PRKAG1: variants seen among roughly 807,000 people sequenced by gnomAD.
PRKAG1 encodes the protein protein kinase AMP-activated non-catalytic subunit gamma 1, also known as 5'-AMP-activated protein kinase subunit gamma-1.
In PRKAG1, 27 loss-of-function variants were observed where a neutral mutation model predicts 48.2. The ratio of observed to expected loss-of-function variants is 0.56; its 90% CI spans 0.41 to 0.77. PRKAG1 has a LOEUF of 0.77. PRKAG1 is among the 30% of genes least tolerant of loss of function. PRKAG1 has a pLI of 0.00. For synonymous variants in PRKAG1, 130 were observed against 147.7 expected (o/e 0.88, Z 0.87); for missense variants, 287 against 398.3 (o/e 0.72, Z 2.38).
rs753733676 is a variant in PRKAG1 at position 49,005,437 on chromosome 12, T to G, written c.250+25A>C. 6.2e-7 allele frequency: 1 copy of G among 1,613,938 alleles called. No individual in the cohort carries two copies. The highest frequency in any genetic ancestry group is 1.7e-5 in the Admixed American group (1 of 59,994). Reference sequence around the variant, plus strand: ...TGCCCAGCACAAGATGCCAATAATATTGTGTTCCAGAAACTTTTGCTTACC... The same window carrying G: ...TGCCCAGCACAAGATGCCAATAATAGTGTGTTCCAGAAACTTTTGCTTACC... On this transcript the variant is annotated intron_variant, in intron 4 of 11. Transcript: ENST00000548065. This position sits in a 1 kb window ranked among gnomAD's most constrained non-coding sequence, Gnocchi z 4.1.
Position 49,003,549 on chromosome 12 carries a change from ATCAC to A in PRKAG1, c.741+5_741+8del. 2.5e-6 allele frequency: 4 copies of A among 1,597,208 alleles called. No homozygotes were observed. The highest frequency in any genetic ancestry group is 3.4e-6 in the Non-Finnish European group (4 of 1,170,308). The stretch of plus-strand genomic sequence containing the variant: ...TTCCCTACCTCCCAGACCCTCCACA[ATCAC>A]TCACGATAACATCAAACTTGGAGTA... On this transcript the variant is annotated splice_donor_5th_base_variant and intron_variant, in intron 10 of 11. Transcript: ENST00000548065.
At position 49,017,290 on chromosome 12, in the gene PRKAG1, T is replaced by C. The variant is rs530150932; in HGVS notation, c.9+1442A>G. On this transcript the variant is annotated intron_variant, in intron 1 of 11. Coordinates refer to ENST00000548065, the MANE Select transcript of PRKAG1 (RefSeq NM_002733.5). ...ATCTCAGCTCACTCCAGCCTCCACC[T>C]CTTTGGATCAAGCGATCCTCCCACC... The C allele has an allele frequency of 1.3e-4, 56 of 442,690 alleles. 1 individual carries two copies. Among genetic ancestry groups the C allele is most frequent in the South Asian group, 8.4e-4 (52 of 61,854 alleles). The allele number at this position is 442,690 out of a possible 1,614,324, so 27.4% of individuals were successfully genotyped here.
chr12:49,009,825 C>T lies in PRKAG1; in HGVS notation c.58+3237G>A, dbSNP rs548787916. On this transcript the variant is annotated intron_variant, in intron 2 of 11. Transcript: ENST00000548065. ...ACAGGGTTTCATCATATTGGGCAGGCTGGTCTCAAACTCCTGACCTCAGGT... is the reference window on the plus strand; with the variant it reads ...ACAGGGTTTCATCATATTGGGCAGGTTGGTCTCAAACTCCTGACCTCAGGT... 9.9e-5 allele frequency among the ~76,000 whole-genome samples: 15 copies of T among 152,090 alleles called. No individual in the cohort carries two copies. In the South Asian group the frequency reaches 2.7e-3, roughly 27 times the overall value.
intron 1 of PRKAG1, among the ~76,000 whole-genome samples, chr12:49,015,503 GGAAA>G (rs1303492428): frequency 6.6e-6 from 1 of 152,162 alleles, no homozygotes; most frequent in Non-Finnish European, 1.5e-5. Context: ...TACAGAGGGA[GGAAA>G]GAAACATAGA....
rs1471503629 is a variant in PRKAG1 at position 49,002,325 on chromosome 12, C to G, written c.*574G>C. 1 of 177,214 alleles carries G rather than the reference C, an allele frequency of 5.6e-6. No homozygotes were observed. Among genetic ancestry groups the G allele is most frequent in the Non-Finnish European group, 1.2e-5 (1 of 82,658 alleles). The allele number at this position is 177,214 out of a possible 1,614,324, so 11.0% of individuals were successfully genotyped here. The stretch of plus-strand genomic sequence containing the variant: ...TAGATTTGCCACAAAAAGCAATAAC[C>G]TTAGCTAACCACGCTGCTCTCCTCC... On this transcript the variant is annotated 3_prime_UTR_variant, in exon 12 of 12. Transcript: ENST00000548065.
chr12:49,004,771 A>AAGAG (rs145803889), intron 7 of PRKAG1, 138 bp from the exon 8 acceptor site: 9 of 1,194,726 alleles, frequency 7.5e-6, no homozygotes, highest in South Asian at 5.8e-5. Context: ...CTTAAAGAGA[A>AAGAG]AGAGAGAGAG....
intron 1 of PRKAG1, among the ~76,000 whole-genome samples, chr12:49,014,628 A>T (rs1565740890): frequency 6.6e-6 from 1 of 152,350 alleles, no homozygotes; most frequent in East Asian, 1.9e-4. Context: ...AACCTGAATG[A>T]CTGAGAGGTG....
rs185239289 is a variant in PRKAG1 at position 49,006,615 on chromosome 12, G to T, written c.59-763C>A. Among the ~76,000 whole-genome samples the T allele has an allele frequency of 7.2e-4, 109 of 152,284 alleles. 1 individual carries two copies. The highest frequency in any genetic ancestry group is 3.7e-3 in the Admixed American group (56 of 15,298). On this transcript the variant is annotated intron_variant, in intron 2 of 11. Coordinates refer to ENST00000548065, the MANE Select transcript of PRKAG1 (RefSeq NM_002733.5). ...TTTTAATTGCTTGCTCTAAACTAGG[G>T]AAGTAATCTCCCAAAATAATAGCTT...
intron 7 of PRKAG1, 136 bp from the exon 8 acceptor site, chr12:49,004,769 GAA>G (rs1941450639): frequency 8.6e-6 from 12 of 1,398,696 alleles, no homozygotes; most frequent in South Asian, 6.3e-5. Context: ...GACTTAAAGA[GAA>G]AGAGAGAGAG....
intron 1 of PRKAG1, chr12:49,017,012 C>T (rs1483532895): frequency 7.3e-6 from 3 of 409,048 alleles, no homozygotes; most frequent in East Asian, 1.4e-4. Context: ...CTTGCTCACA[C>T]TGTTCTCTCA....
intron 1 of PRKAG1, 49 bp from the exon 2 acceptor site, chr12:49,013,159 T>C (rs1319802075): frequency 6.5e-7 from 1 of 1,534,500 alleles, no homozygotes; most frequent in Admixed American, 1.7e-5. Flanking sequence ...CCATCCATTT[T>C]AGCCTAGCAA....
intron 2 of PRKAG1, among the ~76,000 whole-genome samples, chr12:49,010,796 C>T (rs551367584): frequency 1.3e-5 from 2 of 151,564 alleles, no homozygotes; most frequent in African/African-American, 2.4e-5. Flanking sequence ...TAAAAAAATT[C>T]CTTTATGGTG....
chr12:49,013,178 G>A, intron 1 of PRKAG1, 68 bp from the exon 2 acceptor site: 1 of 1,371,432 alleles, frequency 7.3e-7, no homozygotes, highest in Non-Finnish European at 1.0e-6. Context: ...AACATTAGGG[G>A]AAGGGCTGGT....
intron 1 of PRKAG1, chr12:49,017,080 G>A: frequency 2.2e-6 from 1 of 450,174 alleles, no homozygotes; most frequent in East Asian, 7.0e-5. Context: ...TTCTGTCACA[G>A]TCCTCTGTTT....
Position 49,005,766 on chromosome 12 carries a change from C to T in PRKAG1, c.145G>A (p.Val49Ile). The T allele has an allele frequency of 6.2e-7, 1 of 1,614,000 alleles. No individual in the cohort carries two copies. Among genetic ancestry groups the T allele is most frequent in the Non-Finnish European group, 8.5e-7 (1 of 1,179,938 alleles). ...YDLIPTSSKL[V>I]VFDTSLQVKK... Reference sequence around the variant, plus strand: ...ACCTGCAGGGACGTATCAAATACAACCAATTTGGAGCTTGTGGGAATCAGG... The same window carrying T: ...ACCTGCAGGGACGTATCAAATACAATCAATTTGGAGCTTGTGGGAATCAGG... Residue 49 changes from valine (V) to isoleucine (I), a missense_variant, in exon 3 of 12, where the codon GTT (valine) becomes ATT (isoleucine). By Grantham distance (29) the Val-to-Ile change is conservative. Coordinates refer to ENST00000548065, the MANE Select transcript of PRKAG1 (RefSeq NM_002733.5). The surrounding 1 kb of genome is among the most constrained non-coding windows in gnomAD (Gnocchi z 4.1).
intron 1 of PRKAG1, chr12:49,017,480 GGCATT>G: frequency 3.4e-6 from 1 of 290,430 alleles, no homozygotes; most frequent in South Asian, 2.8e-5. Context: ...CCAAAGTACT[GGCATT>G]ACAGGCGTGA....
intron 1 of PRKAG1, among the ~76,000 whole-genome samples, chr12:49,014,205 G>A (rs574351779): frequency 6.6e-6 from 1 of 152,310 alleles, no homozygotes; most frequent in South Asian, 2.1e-4. Context: ...ATTTTTGAAT[G>A]TATTTACTCC....
At position 49,006,688 on chromosome 12, in the gene PRKAG1, G is replaced by A. The variant is rs533683793; in HGVS notation, c.59-836C>T. On this transcript the variant is annotated intron_variant, in intron 2 of 11. Transcript: ENST00000548065. ...CGTGCACTTAAAAATATTACATTGA[G>A]GCTGGGCGTGGTGGCTCATGCCTGT... 2.6e-5 allele frequency among the ~76,000 whole-genome samples: 4 copies of A among 152,290 alleles called. No homozygotes were observed. The South Asian group carries it at 8.3e-4, about 32-fold the overall frequency.
At chr12:49,011,136 C>T (rs1025894992) in intron 2 of PRKAG1, among the ~76,000 whole-genome samples, 9 of 152,174 alleles carry the variant, frequency 5.9e-5, no homozygotes, top group Admixed American at 4.6e-4. Context: ...AGCCACTACG[C>T]GCAGCCCAAT....
Sources: allele counts gnomAD v4.1 joint callset (sites outside exome capture counted in the v4.1 genomes callset), GRCh38; gene constraint gnomAD v4.1.1; non-coding constraint Gnocchi (gnomAD v3.1); transcripts MANE v1.5; gene names NCBI Gene and HGNC (gene_info 2026-07-23, HGNC 2026-07-21).